Variants in MTNR1A observed in about 807,000 individuals in gnomAD.
MTNR1A encodes melatonin receptor type 1A.
A neutral mutation model predicts 5.5 loss-of-function variants in MTNR1A; 7 were observed. The ratio of observed to expected loss-of-function variants is 1.28; its 90% confidence interval spans 0.73 to 2.40. MTNR1A has a LOEUF of 2.40. Ranked by LOEUF, MTNR1A falls within the 30% of genes most tolerant of loss-of-function variation. The probability of loss-of-function intolerance (pLI) is 0.00; values close to 1 mark genes in which losing one functional copy is unlikely to be tolerated. For synonymous variants in MTNR1A, 196 were observed against 202.7 expected (o/e 0.97, Z 0.28); for missense variants, 441 against 464.4 (o/e 0.95, Z 0.46).
chr4:186,535,070 T>C (rs953711206), intron 1 of MTNR1A, among the ~76,000 whole-genome samples: 5 of 152,176 alleles, frequency 3.3e-5, no homozygotes, highest in Non-Finnish European at 5.9e-5. Flanking sequence ...GATGAGAACA[T>C]GGCTTCACTC....
chr4:186,541,557 C>T (rs1380071424), intron 1 of MTNR1A, among the ~76,000 whole-genome samples: 2 of 152,160 alleles, frequency 1.3e-5, no homozygotes, highest in South Asian at 2.1e-4. Context: ...AGACTGGGTC[C>T]GTGACCTGTT....
intron 1 of MTNR1A, 102 bp from the exon 2 acceptor site, chr4:186,534,659 G>A: frequency 7.0e-7 from 1 of 1,438,262 alleles, no homozygotes; most frequent in Non-Finnish European, 9.6e-7. Context: ...CCGATGACCT[G>A]ACGTCACAGC....
chr4:186,550,942 A>T (rs1176838181), intron 1 of MTNR1A, among the ~76,000 whole-genome samples: 1 of 152,208 alleles, frequency 6.6e-6, no homozygotes, highest in African/African-American at 2.4e-5. Flanking sequence ...AAACTGAACA[A>T]CAGCTAAGAA....
chr4:186,545,094 C>A (rs908518532), intron 1 of MTNR1A, among the ~76,000 whole-genome samples: 5 of 152,134 alleles, frequency 3.3e-5, no homozygotes, highest in African/African-American at 1.2e-4. Flanking sequence ...CTTACAAGCT[C>A]CCCCTGAGAG....
intron 1 of MTNR1A, among the ~76,000 whole-genome samples, chr4:186,546,581 G>C (rs1204923878): frequency 6.6e-6 from 1 of 151,610 alleles, no homozygotes; most frequent in Non-Finnish European, 1.5e-5. Context: ...ACCACACCCT[G>C]TTCATGAGAC....
rs535278151 is a variant in MTNR1A at position 186,545,996 on chromosome 4, C to T, written c.184+9186G>A. Among the ~76,000 whole-genome samples the T allele has an allele frequency of 4.7e-4, 71 of 152,238 alleles. 1 individual carries two copies. Among genetic ancestry groups the T allele is most frequent in the Middle Eastern group, 6.8e-3 (2 of 294 alleles). ...TTTTCAGATTACTAGAGGCAGTGTG[C>T]ACCATGAGTGTGGAAACAAAAGCCG... is the stretch of plus-strand genomic sequence containing the variant. On this transcript the variant is annotated intron_variant, in intron 1 of 1. Transcript: ENST00000307161.
chr4:186,540,415 C>CACT (rs1253399203), intron 1 of MTNR1A, among the ~76,000 whole-genome samples: 1 of 152,222 alleles, frequency 6.6e-6, no homozygotes, highest in African/African-American at 2.4e-5. Context: ...ATGGAGGGAC[C>CACT]ACTGCATGTT....
intron 1 of MTNR1A, among the ~76,000 whole-genome samples, chr4:186,534,832 CTT>C (rs2111365117): frequency 6.6e-6 from 1 of 152,284 alleles, no homozygotes; most frequent in South Asian, 2.1e-4. Context: ...CTTCTCATCT[CTT>C]AAAAAGTCCT....
At chr4:186,545,785 T>C (rs1579252908) in intron 1 of MTNR1A, among the ~76,000 whole-genome samples, 1 of 140,492 alleles carries the variant, frequency 7.1e-6, no homozygotes, top group Non-Finnish European at 1.5e-5. Context: ...TTGGTTTGTA[T>C]TTTTTAAAAT....
intron 1 of MTNR1A, among the ~76,000 whole-genome samples, chr4:186,542,793 G>C (rs559147196): frequency 6.6e-6 from 1 of 152,262 alleles, no homozygotes; most frequent in South Asian, 2.1e-4. Context: ...GCTTCCACCA[G>C]GAGATACCCC....
At chr4:186,539,209 C>T (rs1166704822) in intron 1 of MTNR1A, among the ~76,000 whole-genome samples, 1 of 83,394 alleles carries the variant, frequency 1.2e-5, no homozygotes, top group African/African-American at 4.3e-5. Flanking sequence ...GAGCAAGACT[C>T]CATTAAAAAA....
chr4:186,538,875 T>C (rs1306618719), intron 1 of MTNR1A, among the ~76,000 whole-genome samples: 1 of 152,118 alleles, frequency 6.6e-6, no homozygotes, highest in Non-Finnish European at 1.5e-5. Context: ...CTATTTCCAG[T>C]AGTTAAGGGA....
rs1737351643 is a variant in MTNR1A at position 186,555,430 on chromosome 4, T to A, written c.-65A>T. 3.9e-6 allele frequency: 5 copies of A among 1,280,288 alleles called. No homozygotes were observed. The East Asian group carries it at 1.7e-4, about 43-fold the overall frequency. The allele number at this position is 1,280,288 out of a possible 1,614,324, so 79.3% of individuals were successfully genotyped here. A position where few individuals can be genotyped will look rare whatever the true frequency, so the allele number is the denominator to read the frequency against. On this transcript the variant is annotated 5_prime_UTR_variant, in exon 1 of 2. It removes the in-frame stop codon of an upstream open reading frame in the 5' UTR. Transcript: ENST00000307161. This position sits in a 1 kb window ranked among gnomAD's most constrained non-coding sequence, Gnocchi z 4.1. ...CTCGTCCGCCCGCCCGACCACTTGT[T>A]AAGGCTCCGCCCGGCGCTCCCCGCG... is the stretch of plus-strand genomic sequence containing the variant.
chr4:186,535,538 A>G (rs1280866575), intron 1 of MTNR1A, among the ~76,000 whole-genome samples: 1 of 152,010 alleles, frequency 6.6e-6, no homozygotes, highest in Non-Finnish European at 1.5e-5. Context: ...CAGCCTCCCA[A>G]GCAGCAGGGA....
chr4:186,544,222 T>C (rs1737089404), intron 1 of MTNR1A, among the ~76,000 whole-genome samples: 1 of 152,122 alleles, frequency 6.6e-6, no homozygotes, highest in Non-Finnish European at 1.5e-5. Flanking sequence ...GATTTCACCA[T>C]ATTGGCCAGG....
At chr4:186,540,853 T>TGAAG (rs5864998) in intron 1 of MTNR1A, among the ~76,000 whole-genome samples, 1,757 of 9,442 alleles carry the variant, frequency 0.19, 3 homozygotes, top group East Asian at 0.36. Flanking sequence ...GCTGTCTGAC[T>TGAAG]GAAGGACCAG....
chr4:186,550,113 A>C (rs1737237456), intron 1 of MTNR1A, among the ~76,000 whole-genome samples: 1 of 152,224 alleles, frequency 6.6e-6, no homozygotes, highest in South Asian at 2.1e-4. Context: ...TTTATTTCTT[A>C]TCTGCAGCAT....
Position 186,533,723 on chromosome 4 carries a change from G to C in MTNR1A, c.1019C>G (p.Thr340Ser). 1 of 1,614,142 alleles carries C rather than the reference G, an allele frequency of 6.2e-7. No individual in the cohort carries two copies. Among genetic ancestry groups the C allele is most frequent in the East Asian group, 2.2e-5 (1 of 44,882 alleles). ...GTCCACCTTTACTACATTATTGTTG[G>C]TCATCAGTGGAGACGGTTTCCATTT... ...RVKWKPSPLM[T>S]NNNVVKVDSV is the part of the protein sequence containing the mutation. The change falls in exon 2 of 2, where the codon ACC (threonine) becomes AGC (serine). Residue 340 changes from threonine (T) to serine (S), a missense_variant. Physicochemically the swap from Thr to Ser is moderately conservative, Grantham distance 58 (BLOSUM62 1). Transcript: ENST00000307161.
At chr4:186,550,779 G>GA (rs1737252066) in intron 1 of MTNR1A, among the ~76,000 whole-genome samples, 1 of 152,186 alleles carries the variant, frequency 6.6e-6, no homozygotes. Context: ...ATAGCTGGAG[G>GA]AACGAAAGAT....
Sources: allele counts gnomAD v4.1 joint callset (sites outside exome capture counted in the v4.1 genomes callset), GRCh38; gene constraint gnomAD v4.1.1; non-coding constraint Gnocchi (gnomAD v3.1); transcripts MANE v1.5; gene names NCBI Gene and HGNC (gene_info 2026-07-23, HGNC 2026-07-21).